The following RABGEF1 variants were observed in gnomAD, a reference collection of about 807,000 sequenced individuals.
The protein encoded by RABGEF1 is RAB guanine nucleotide exchange factor 1, also known as rab5 GDP/GTP exchange factor.
Under a neutral mutation model 57.3 loss-of-function variants are expected in RABGEF1, and 26 were observed. The ratio of observed to expected loss-of-function variants is 0.45; its 90% CI spans 0.33 to 0.63. The LOEUF (loss-of-function observed/expected upper bound fraction) is 0.63, where lower values mean the gene tolerates loss of function less well. Ranked by LOEUF, RABGEF1 falls within the 20% of genes least tolerant of loss-of-function variation. The pLI is 0.02. For synonymous variants in RABGEF1, 185 were observed against 210.7 expected (o/e 0.88, Z 1.06); for missense variants, 464 against 607.6 (o/e 0.76, Z 2.48).
At chr7:66,709,602 C>A (rs1334986986) in intron 1 of RABGEF1, among the ~76,000 whole-genome samples, 15 of 152,224 alleles carry the variant, frequency 9.9e-5, no homozygotes, top group Admixed American at 2.0e-4. Context: ...GCCTGACCAA[C>A]ATGGTGAAAC....
chr7:66,712,753 G>A (rs1006556122), intron 2 of RABGEF1, among the ~76,000 whole-genome samples: 19 of 151,012 alleles, frequency 1.3e-4, no homozygotes, highest in South Asian at 6.3e-4. Flanking sequence ...GATTATAGGC[G>A]TGAGCCACTG....
intron 1 of RABGEF1, among the ~76,000 whole-genome samples, chr7:66,702,331 CT>C (rs1793395173): frequency 6.7e-6 from 1 of 148,366 alleles, no homozygotes; most frequent in Admixed American, 6.8e-5. Context: ...CTTCCACCTT[CT>C]GGCTATTGTT....
chr7:66,705,832 C>T (rs974978863), intron 1 of RABGEF1, among the ~76,000 whole-genome samples: 2 of 148,372 alleles, frequency 1.3e-5, no homozygotes, highest in African/African-American at 5.0e-5. Context: ...GTCTCAGCCT[C>T]CTGAGTAACT....
chr7:66,702,116 G>C (rs541893339), intron 1 of RABGEF1, among the ~76,000 whole-genome samples: 2 of 152,252 alleles, frequency 1.3e-5, no homozygotes, highest in East Asian at 3.9e-4. Context: ...ATATGGATTT[G>C]CCTATTTGGA....
chr7:66,680,186 CTTTAAA>C (rs1257711105), upstream of RABGEF1, among the ~76,000 whole-genome samples: 10 of 151,996 alleles, frequency 6.6e-5, no homozygotes, highest in Non-Finnish European at 1.5e-5. Flanking sequence ...TAATGTACTA[CTTTAAA>C]TTTATTGTTT....
chr7:66,796,766 T>C, intron 5 of RABGEF1: 1 of 323,170 alleles, frequency 3.1e-6, no homozygotes, highest in Non-Finnish European at 6.0e-6. Flanking sequence ...AATTTTTGTA[T>C]TTTTATTAGA....
chr7:66,744,469 C>A (rs1190618173), intron 1 of RABGEF1, among the ~76,000 whole-genome samples: 1 of 151,366 alleles, frequency 6.6e-6, no homozygotes, highest in Non-Finnish European at 1.5e-5. Context: ...GAGATCAAGA[C>A]CATCCTGGCT....
At chr7:66,702,654 T>A (rs1317878822) in intron 1 of RABGEF1, among the ~76,000 whole-genome samples, 1 of 152,198 alleles carries the variant, frequency 6.6e-6, no homozygotes, top group Non-Finnish European at 1.5e-5. Flanking sequence ...TTTCATTTTT[T>A]GATTATAGTC....
chr7:66,807,363 G>T (rs912126504), intron 8 of RABGEF1, among the ~76,000 whole-genome samples: 17 of 152,198 alleles, frequency 1.1e-4, no homozygotes, highest in Non-Finnish European at 2.5e-4. Flanking sequence ...CACTCTCCAA[G>T]AGTCCTTTGT....
intron 1 of RABGEF1, among the ~76,000 whole-genome samples, chr7:66,758,577 G>A (rs1803369092): frequency 6.6e-6 from 1 of 152,142 alleles, no homozygotes; most frequent in Admixed American, 6.5e-5. Flanking sequence ...GGACAGGTCT[G>A]TCTGCCCAGG....
In RABGEF1 at chr7:66,720,191, ATTATTTTTT is replaced by A. The variant is rs1023631449; in HGVS notation, c.-815+7970_-815+7978del. The stretch of plus-strand genomic sequence containing the variant: ...ATTCATTATTATTATTATTATTATT[ATTATTTTTT>A]TTTTTTTTTCTTTGAGAGGGTGAGT... On this transcript the variant is annotated intron_variant and NMD_transcript_variant, in intron 2 of 9. Transcript: ENST00000607882. Among the ~76,000 whole-genome samples the A allele has an allele frequency of 1.0e-4, 8 of 79,840 alleles. No individual in the cohort carries two copies. The South Asian group carries it at 1.4e-3, about 14-fold the overall frequency. The allele number at this position is 79,840 out of a possible 152,430, so 52.4% of individuals were successfully genotyped here. A position where few individuals can be genotyped will look rare whatever the true frequency, so the allele number is the denominator to read the frequency against.
chr7:66,700,697 C>T (rs947287684), intron 1 of RABGEF1, among the ~76,000 whole-genome samples: 16 of 152,238 alleles, frequency 1.1e-4, no homozygotes, highest in Admixed American at 7.9e-4. Flanking sequence ...TCACACCACC[C>T]ACCCTAAGCC....
At chr7:66,691,203 A>C (rs541444046) in intron 1 of RABGEF1, among the ~76,000 whole-genome samples, 7 of 152,360 alleles carry the variant, frequency 4.6e-5, no homozygotes, top group African/African-American at 1.7e-4. Flanking sequence ...ACTGACAGAC[A>C]GTTTGACAGT....
intron 1 of RABGEF1, among the ~76,000 whole-genome samples, chr7:66,697,705 C>T (rs1331172600): frequency 6.6e-6 from 1 of 152,090 alleles, no homozygotes; most frequent in African/African-American, 2.4e-5. Context: ...AGACTGTGTT[C>T]TCCGGCCTCA....
At chr7:66,794,770 ATTAT>A (rs1813613343) in intron 4 of RABGEF1, among the ~76,000 whole-genome samples, 2 of 152,176 alleles carry the variant, frequency 1.3e-5, no homozygotes, top group Admixed American at 6.6e-5. Flanking sequence ...TCCTTACAAA[ATTAT>A]TTATACCTAC....
At chr7:66,796,972 A>G (rs1297608677) in intron 5 of RABGEF1, 1 of 420,630 alleles carries the variant, frequency 2.4e-6, no homozygotes, top group Non-Finnish European at 4.6e-6. Flanking sequence ...TATTTCTAGT[A>G]AATTAGTTTT....
intron 1 of RABGEF1, among the ~76,000 whole-genome samples, chr7:66,767,142 A>G (rs1390109804): frequency 6.6e-6 from 1 of 151,304 alleles, no homozygotes; most frequent in East Asian, 1.9e-4. Flanking sequence ...AGCTGGGATT[A>G]CAGACGTCTG....
chr7:66,779,096 TG>T (rs1394247265), intron 3 of RABGEF1, among the ~76,000 whole-genome samples: 7 of 151,988 alleles, frequency 4.6e-5, no homozygotes, highest in Admixed American at 2.0e-4. Context: ...GGCAACAAAG[TG>T]AGACTCCGTC....
chr7:66,749,139 A>G (rs1233382673), intron 1 of RABGEF1: 1 of 152,430 alleles, frequency 6.6e-6, no homozygotes, highest in Non-Finnish European at 1.5e-5. Flanking sequence ...GGGAATACCA[A>G]ATATGAAGAT....
Sources: allele counts gnomAD v4.1 joint callset (sites outside exome capture counted in the v4.1 genomes callset), GRCh38; gene constraint gnomAD v4.1.1; transcripts MANE v1.5; gene names NCBI Gene and HGNC (gene_info 2026-07-23, HGNC 2026-07-21).